The following CTNNBL1 variants were observed in gnomAD, a reference collection of about 807,000 sequenced individuals.
CTNNBL1 encodes beta-catenin-like protein 1.
A neutral mutation model predicts 72.7 loss-of-function variants in CTNNBL1; 31 were observed. The observed-to-expected ratio is 0.43, with a 90% CI of 0.32 to 0.58. The LOEUF is 0.58. CTNNBL1 is among the 20% of genes least tolerant of loss of function. The probability of loss-of-function intolerance (pLI) is 0.08; values close to 1 mark genes in which losing one functional copy is unlikely to be tolerated. For missense variants in CTNNBL1, 534 were observed against 725.1 expected, an observed-to-expected ratio of 0.74 and a Z score of 3.03; for synonymous variants, 240 against 267.3, an observed-to-expected ratio of 0.90 and a Z score of 1.00.
intron 3 of CTNNBL1, among the ~76,000 whole-genome samples, chr20:37,743,441 C>G (rs1208325429): frequency 2.6e-5 from 4 of 151,474 alleles, no homozygotes; most frequent in Admixed American, 2.0e-4. Flanking sequence ...GAGAAGGAAG[C>G]CTTTTAAAAA....
At chr20:37,724,341 G>A (rs368552703) in intron 1 of CTNNBL1, among the ~76,000 whole-genome samples, 39 of 152,288 alleles carry the variant, frequency 2.6e-4, no homozygotes, top group African/African-American at 8.9e-4. Context: ...GAAGAAATAA[G>A]AAGGATTGCT....
intron 11 of CTNNBL1, among the ~76,000 whole-genome samples, chr20:37,826,074 A>G (rs1031924985): frequency 2.6e-5 from 4 of 152,212 alleles, no homozygotes; most frequent in African/African-American, 7.2e-5. Flanking sequence ...CACTTGACCT[A>G]GGAAACTTCA....
chr20:37,834,273 T>C (rs945077561), intron 11 of CTNNBL1, among the ~76,000 whole-genome samples: 1 of 152,132 alleles, frequency 6.6e-6, no homozygotes. Context: ...AACATTCTCT[T>C]GCAACTCTTT....
intron 11 of CTNNBL1, among the ~76,000 whole-genome samples, chr20:37,823,464 G>A (rs1051138176): frequency 1.3e-5 from 2 of 152,224 alleles, no homozygotes; most frequent in Non-Finnish European, 2.9e-5. Flanking sequence ...GTGAGTGTGT[G>A]TGGAGCTCAA....
rs2073143383 is a variant in CTNNBL1 at position 37,733,020 on chromosome 20, A to G, written c.172A>G (p.Arg58Gly). The G allele has an allele frequency of 6.2e-7, 1 of 1,613,762 alleles. No homozygotes were observed. Among genetic ancestry groups the G allele is most frequent in the East Asian group, 2.2e-5 (1 of 44,888 alleles). ...GGAGGAAGCGGATGATGACAAAAAA[A>G]GGCTGCTGCAGATTATTGACAGAGA... ...VVEEADDDKK[R>G]LLQIIDRDGE... Residue 58 changes from arginine (R) to glycine (G), a missense_variant, in exon 2 of 16, where the codon AGG becomes GGG. Transcript: ENST00000361383.
intron 13 of CTNNBL1, among the ~76,000 whole-genome samples, chr20:37,854,063 A>G (rs2072418515): frequency 6.6e-6 from 1 of 152,220 alleles, no homozygotes; most frequent in Non-Finnish European, 1.5e-5. Context: ...TCTACATTTG[A>G]AAATTTCACT....
chr20:37,775,474 C>T (rs763732010), intron 7 of CTNNBL1, among the ~76,000 whole-genome samples: 91 of 152,204 alleles, frequency 6.0e-4, no homozygotes, highest in Non-Finnish European at 5.1e-4. Flanking sequence ...TTTAACATAT[C>T]CTGTGGTGAA....
In CTNNBL1 at chr20:37,774,359, G is replaced by A. The variant is rs2073555009; in HGVS notation, c.751-2986G>A. ...ACGTGAGAGAGCCTGTGAGCATTGG[G>A]CCTTGGCATCTTTGAAGCCACCTCC... On this transcript the variant is annotated intron_variant, in intron 7 of 15. Coordinates refer to ENST00000361383, the MANE Select transcript of CTNNBL1 (RefSeq NM_030877.5). 2.0e-5 allele frequency among the ~76,000 whole-genome samples: 3 copies of A among 152,132 alleles called. No homozygotes were observed. The South Asian group carries it at 6.2e-4, about 32-fold the overall frequency.
intron 15 of CTNNBL1, among the ~76,000 whole-genome samples, chr20:37,871,425 G>A (rs749913817): frequency 1.7e-4 from 26 of 152,166 alleles, no homozygotes; most frequent in Non-Finnish European, 3.7e-4. Context: ...TCTGCTGAGG[G>A]CCGTCCTATT....
At chr20:37,703,449 G>T (rs1296187107) in intron 1 of CTNNBL1, among the ~76,000 whole-genome samples, 1 of 152,170 alleles carries the variant, frequency 6.6e-6, no homozygotes, top group Non-Finnish European at 1.5e-5. Flanking sequence ...TTTTGCCAAA[G>T]ATTTTCTTGG....
At chr20:37,775,474 C>G (rs763732010) in intron 7 of CTNNBL1, among the ~76,000 whole-genome samples, 1 of 152,204 alleles carries the variant, frequency 6.6e-6, no homozygotes, top group Admixed American at 6.5e-5. Context: ...TTTAACATAT[C>G]CTGTGGTGAA....
chr20:37,814,400 T>C (rs2072036777), intron 11 of CTNNBL1, among the ~76,000 whole-genome samples: 1 of 152,204 alleles, frequency 6.6e-6, no homozygotes, highest in African/African-American at 2.4e-5. Flanking sequence ...CAGACCTATC[T>C]ATCTACCCAC....
intron 1 of CTNNBL1, among the ~76,000 whole-genome samples, chr20:37,730,994 T>G (rs2073123355): frequency 1.3e-5 from 2 of 152,158 alleles, no homozygotes. Flanking sequence ...TAAAAAACTT[T>G]TATTTTTAAT....
intron 7 of CTNNBL1, among the ~76,000 whole-genome samples, chr20:37,770,371 C>A (rs1280812842): frequency 6.6e-6 from 1 of 152,182 alleles, no homozygotes; most frequent in Non-Finnish European, 1.5e-5. Flanking sequence ...AAGGGGATGG[C>A]GTAGATGTCA....
At chr20:37,719,956 T>G (rs1387029249) in intron 1 of CTNNBL1, among the ~76,000 whole-genome samples, 1 of 151,800 alleles carries the variant, frequency 6.6e-6, no homozygotes, top group Admixed American at 6.6e-5. Flanking sequence ...TCCTCCCATC[T>G]CAGCCTTCTG....
At chr20:37,696,499 A>G (rs185625270) in intron 1 of CTNNBL1, among the ~76,000 whole-genome samples, 1,508 of 135,434 alleles carry the variant, frequency 0.011, 31 homozygotes, top group African/African-American at 0.041. Flanking sequence ...GCTGGAGTGC[A>G]ATGGTGAGAT....
intron 7 of CTNNBL1, among the ~76,000 whole-genome samples, chr20:37,769,327 T>C (rs1419712134): frequency 6.6e-6 from 1 of 152,232 alleles, no homozygotes; most frequent in African/African-American, 2.4e-5. Context: ...TGCAAAATTA[T>C]TCCCACTGAT....
chr20:37,696,382 T>G (rs897827354), intron 1 of CTNNBL1, among the ~76,000 whole-genome samples: 122 of 152,050 alleles, frequency 8.0e-4, no homozygotes, highest in African/African-American at 2.9e-3. Flanking sequence ...CTGCTACATG[T>G]GCAAAATACA....
intron 13 of CTNNBL1, among the ~76,000 whole-genome samples, chr20:37,843,209 C>T (rs1046659587): frequency 6.6e-6 from 1 of 152,218 alleles, no homozygotes; most frequent in Admixed American, 6.5e-5. Context: ...TATAAAATGA[C>T]GCCTGGCTTA....
Sources: gnomAD v4.1 joint callset for allele counts (sites outside exome capture counted in the v4.1 genomes callset) on GRCh38, gnomAD v4.1.1 for gene constraint, MANE v1.5 for transcripts, NCBI Gene and HGNC (gene_info 2026-07-23, HGNC 2026-07-21) for gene names.